CSMD2: variants seen among roughly 807,000 people sequenced by gnomAD.
CSMD2 encodes the protein CUB and sushi domain-containing protein 2.
In CSMD2, 130 loss-of-function variants were observed where a neutral mutation model predicts 398.5. The ratio of observed to expected loss-of-function variants is 0.33; its 90% CI spans 0.28 to 0.38. CSMD2 has a LOEUF of 0.38. Among genes scored for constraint, CSMD2 ranks in the 10% least tolerant of loss-of-function variants. CSMD2 has a pLI of 1.00. For synonymous variants in CSMD2, 1,828 were observed against 1,908.5 expected (o/e 0.96, Z 1.10); for missense variants, 3,829 against 4,764.9 (o/e 0.80, Z 5.78).
chr1:33,657,643 C>T (rs972511157), intron 27 of CSMD2, among the ~76,000 whole-genome samples: 7 of 152,198 alleles, frequency 4.6e-5, no homozygotes, highest in African/African-American at 1.7e-4. Context: ...GACCCACTGT[C>T]CTCCTTCTGA....
chr1:33,929,176 G>C (rs2125311915), intron 4 of CSMD2, among the ~76,000 whole-genome samples: 1 of 152,068 alleles, frequency 6.6e-6, no homozygotes, highest in South Asian at 2.1e-4. Context: ...CCATCTATAA[G>C]GTCTGTTGGC....
intron 9 of CSMD2, among the ~76,000 whole-genome samples, chr1:33,812,379 C>A (rs767010388): frequency 2.0e-5 from 3 of 152,248 alleles, no homozygotes; most frequent in Non-Finnish European, 4.4e-5. Flanking sequence ...TAGTCCTGCA[C>A]TGGAAGGATC....
intron 5 of CSMD2, among the ~76,000 whole-genome samples, chr1:33,904,704 G>A (rs144465078): frequency 0.016 from 2,356 of 151,606 alleles, 50 homozygotes; most frequent in African/African-American, 0.05. Flanking sequence ...TTGCTCTGCC[G>A]CCCAGGCTGG....
chr1:33,876,443 T>C (rs1006491903), intron 5 of CSMD2, among the ~76,000 whole-genome samples: 9 of 152,202 alleles, frequency 5.9e-5, no homozygotes, highest in African/African-American at 1.9e-4. Flanking sequence ...CAGGGTCATA[T>C]GGGAATAGAA....
chr1:33,961,382 A>ATGCCCT (rs1645353597), intron 3 of CSMD2, among the ~76,000 whole-genome samples: 1 of 152,228 alleles, frequency 6.6e-6, no homozygotes, highest in African/African-American at 2.4e-5. Flanking sequence ...CTGGGACAGG[A>ATGCCCT]GTCTTCTGGC....
chr1:34,155,763 G>A (rs1640754621), intron 1 of CSMD2, among the ~76,000 whole-genome samples: 1 of 152,204 alleles, frequency 6.6e-6, no homozygotes, highest in African/African-American at 2.4e-5. Flanking sequence ...CCCACTGGAT[G>A]GGCTTAAACT....
chr1:33,939,976 TAACAGCACCACA>T (rs1169475449), intron 3 of CSMD2, among the ~76,000 whole-genome samples: 26 of 152,350 alleles, frequency 1.7e-4, no homozygotes, highest in Middle Eastern at 3.4e-3. Context: ...AGGACTCCTG[TAACAGCACCACA>T]AACTAGGTGG....
At chr1:33,867,369 C>CG (rs1451285579) in intron 5 of CSMD2, among the ~76,000 whole-genome samples, 2 of 152,154 alleles carry the variant, frequency 1.3e-5, no homozygotes, top group East Asian at 3.9e-4. Flanking sequence ...GAATCCTTCC[C>CG]CAGTCAAGCC....
chr1:33,776,355 T>C (rs144712195), intron 12 of CSMD2, among the ~76,000 whole-genome samples: 17 of 152,176 alleles, frequency 1.1e-4, no homozygotes, highest in African/African-American at 4.1e-4. Flanking sequence ...GAAGAAGTGG[T>C]GGCAGTGAGT....
Position 33,559,522 on chromosome 1 carries a change from C to G in CSMD2, c.8381-49G>C. The G allele has an allele frequency of 6.7e-7, 1 of 1,503,732 alleles. No individual in the cohort carries two copies. The highest frequency in any genetic ancestry group is 8.9e-7 in the Non-Finnish European group (1 of 1,119,536). The allele number at this position is 1,503,732 out of a possible 1,614,324, so 93.1% of individuals were successfully genotyped here. ...TAAGCCCTCCTACTATTCCACACCC[C>G]TCAGAATTTATCCACCTCTCACCTG... On this transcript the variant is annotated intron_variant, in intron 53 of 70. Transcript: ENST00000373381. The surrounding 1 kb of genome is among the most constrained non-coding windows in gnomAD (Gnocchi z 4.0).
At chr1:33,541,108 A>G in intron 59 of CSMD2, 22 bp downstream of exon 59, 2 of 1,610,922 alleles carry the variant, frequency 1.2e-6, no homozygotes, top group Non-Finnish European at 1.7e-6. Context: ...CTCTCTGTCC[A>G]CATTTGCAGC....
intron 26 of CSMD2, among the ~76,000 whole-genome samples, chr1:33,661,173 T>C (rs983558331): frequency 1.3e-5 from 2 of 152,204 alleles, no homozygotes; most frequent in East Asian, 1.9e-4. Flanking sequence ...GTGGGTGAAT[T>C]TGTCAGCATA....
At chr1:34,117,936 C>A (rs61186098) in intron 1 of CSMD2, among the ~76,000 whole-genome samples, 1 of 152,048 alleles carries the variant, frequency 6.6e-6, no homozygotes, top group East Asian at 1.9e-4. Context: ...CTCAGCCAGG[C>A]GTGGTGGTGG....
chr1:33,743,710 A>G, intron 13 of CSMD2, 104 bp from the exon 14 acceptor site: 1 of 833,424 alleles, frequency 1.2e-6, no homozygotes, highest in Middle Eastern at 2.6e-4. Context: ...AAGCAACAGA[A>G]AGAAAGAGTG....
At chr1:34,065,846 G>T (rs1456153218) in intron 2 of CSMD2, among the ~76,000 whole-genome samples, 5 of 152,306 alleles carry the variant, frequency 3.3e-5, no homozygotes, top group Non-Finnish European at 7.4e-5. Context: ...TCCACCCATA[G>T]AAATTAAATG....
intron 15 of CSMD2, among the ~76,000 whole-genome samples, chr1:33,729,941 T>C (rs1490046653): frequency 2.6e-5 from 4 of 152,180 alleles, no homozygotes; most frequent in African/African-American, 4.8e-5. Flanking sequence ...GACCCAGCAA[T>C]TCTATTTCTA....
chr1:33,571,509 C>T (rs772338972), intron 51 of CSMD2, 23 bp downstream of exon 51: 3 of 1,406,670 alleles, frequency 2.1e-6, no homozygotes, highest in Non-Finnish European at 2.8e-6. Flanking sequence ...CTAAACTTGC[C>T]CACCCTCCCT....
At chr1:33,866,165 G>C (rs982423419) in intron 5 of CSMD2, among the ~76,000 whole-genome samples, 55 of 152,280 alleles carry the variant, frequency 3.6e-4, no homozygotes, top group Middle Eastern at 3.4e-3. Context: ...GGGGATGAGA[G>C]GTAATACAGT....
chr1:33,961,526 G>A (rs1645359465), intron 3 of CSMD2, among the ~76,000 whole-genome samples: 1 of 152,214 alleles, frequency 6.6e-6, no homozygotes, highest in African/African-American at 2.4e-5. Context: ...CACCTTAGCT[G>A]TGTGACTTTG....
Sources: allele counts gnomAD v4.1 joint callset (sites outside exome capture counted in the v4.1 genomes callset), GRCh38; gene constraint gnomAD v4.1.1; non-coding constraint Gnocchi (gnomAD v3.1); transcripts MANE v1.5; gene names NCBI Gene and HGNC (gene_info 2026-07-23, HGNC 2026-07-21).